Variants in STN1 observed in about 807,000 individuals in gnomAD.
STN1 encodes STN1 subunit of CST complex.
STN1 carries 29 observed loss-of-function variants against 45.5 expected under a neutral mutation model. That is an observed-to-expected ratio of 0.64 (90% CI 0.47 to 0.87). The LOEUF (loss-of-function observed/expected upper bound fraction) is 0.87, where lower values mean the gene tolerates loss of function less well. Among genes scored for constraint, STN1 ranks in the 40% least tolerant of loss-of-function variants. The probability of loss-of-function intolerance (pLI) is 0.00; values close to 1 mark genes in which losing one functional copy is unlikely to be tolerated. For missense variants in STN1, 376 were observed against 441.4 expected (o/e 0.85, Z 1.33); for synonymous variants, 148 against 159.0 (o/e 0.93, Z 0.52).
At position 103,910,200 on chromosome 10, in the gene STN1, G is replaced by A. The variant is rs561009212; in HGVS notation, c.229+327C>T. ...GATCCACATAACCACATATTACCAC[G>A]CTTTGCTATTTACAGATATACCCTT... On this transcript the variant is annotated intron_variant, in intron 3 of 9. Transcript: ENST00000224950. Among the ~76,000 whole-genome samples, 41 of 152,172 alleles carry A rather than the reference G, an allele frequency of 2.7e-4. 1 individual carries two copies. Among genetic ancestry groups the A allele is most frequent in the Middle Eastern group, 3.4e-3 (1 of 294 alleles).
intron 2 of STN1, among the ~76,000 whole-genome samples, chr10:103,915,738 T>C (rs954794369): frequency 6.6e-6 from 1 of 151,930 alleles, no homozygotes; most frequent in African/African-American, 2.4e-5. Flanking sequence ...CCCAGAACAC[T>C]ATGGTATAGT....
chr10:103,893,530 C>T (rs1401001918), intron 7 of STN1, among the ~76,000 whole-genome samples: 3 of 152,144 alleles, frequency 2.0e-5, no homozygotes, highest in African/African-American at 7.2e-5. Flanking sequence ...GAGTTCCAAA[C>T]AAATGTGGCA....
chr10:103,882,638 A>G lies in STN1; in HGVS notation c.*46T>C. 2.6e-6 allele frequency: 4 copies of G among 1,557,688 alleles called. No individual in the cohort carries two copies. The highest frequency in any genetic ancestry group is 3.5e-6 in the Non-Finnish European group (4 of 1,147,878). ...GCTGAAAGTCAGAGCCTGGGGGTGA[A>G]TGCCACCTTATCTTTGTCCTCCTCA... is the stretch of plus-strand genomic sequence containing the variant. On this transcript the variant is annotated 3_prime_UTR_variant, in exon 10 of 10. Coordinates refer to ENST00000224950, the MANE Select transcript of STN1 (RefSeq NM_024928.5).
intron 2 of STN1, among the ~76,000 whole-genome samples, chr10:103,914,361 TATATATATATA>T (rs1446105167): frequency 0.087 from 3,018 of 34,702 alleles, 213 homozygotes; most frequent in Non-Finnish European, 0.12. Flanking sequence ...TATATATATA[TATATATATATA>T]TATTTTTTTT....
rs1162659746 is a variant in STN1, at chr10:103,877,684, C to T, written c.*5000G>A. 3.3e-5 allele frequency: 5 copies of T among 152,202 alleles called. No homozygotes were observed. The highest frequency in any genetic ancestry group is 7.3e-5 in the Non-Finnish European group (5 of 68,040). The allele number at this position is 152,202 out of a possible 1,614,324, so 9.4% of individuals were successfully genotyped here. ...CATTCTGGATTACAATGAAAACTCACTTATGTGGGAGTTTGAGCTCACATT... is the reference window on the plus strand; with the variant it reads ...CATTCTGGATTACAATGAAAACTCATTTATGTGGGAGTTTGAGCTCACATT... On this transcript the variant is annotated 3_prime_UTR_variant, in exon 10 of 10. Coordinates refer to ENST00000224950, the MANE Select transcript of STN1 (RefSeq NM_024928.5).
chr10:103,889,107 T>TG lies in STN1; in HGVS notation c.913dup (p.His305ProfsTer52). On this transcript the variant is annotated frameshift_variant, in exon 9 of 10. Transcript: ENST00000224950. LOFTEE classifies it high-confidence loss of function. Reference sequence around the variant, plus strand: ...CTGGCAGTCCTGCTGAATGATCCGGTGGATCTTTCTGTGCAGGTCTTTGTC... The same window carrying TG: ...CTGGCAGTCCTGCTGAATGATCCGGTGGGATCTTTCTGTGCAGGTCTTTGTC... 6.2e-7 allele frequency: 1 copy of TG among 1,613,682 alleles called. No individual in the cohort carries two copies. Among genetic ancestry groups the TG allele is most frequent in the Admixed American group, 1.7e-5 (1 of 60,028 alleles).
In STN1 at chr10:103,917,632, G is replaced by C; in HGVS notation, c.-38C>G. ...CTGTGGCTTCCAGCTAACTCTGAAA[G>C]GTTCTGCATCACTGAGTCAAGCATC... On this transcript the variant is annotated 5_prime_UTR_variant, in exon 2 of 10. Coordinates refer to ENST00000224950, the MANE Select transcript of STN1 (RefSeq NM_024928.5). 1.2e-6 allele frequency: 2 copies of C among 1,605,230 alleles called. No individual in the cohort carries two copies. Among genetic ancestry groups the C allele is most frequent in the Non-Finnish European group, 1.7e-6 (2 of 1,175,980 alleles).
intron 9 of STN1, among the ~76,000 whole-genome samples, chr10:103,883,170 A>G (rs886089293): frequency 1.4e-4 from 22 of 152,156 alleles, no homozygotes; most frequent in African/African-American, 4.3e-4. Context: ...AATTACATGT[A>G]TAAGTGTAAC....
intron 2 of STN1, among the ~76,000 whole-genome samples, chr10:103,914,343 TATATA>T (rs1843310523): frequency 9.9e-5 from 1 of 10,098 alleles, no homozygotes; most frequent in Admixed American, 8.6e-4. Context: ...TACATATATA[TATATA>T]TATATATATA....
At chr10:103,910,647 G>T in intron 2 of STN1, 25 bp from the exon 3 acceptor site, 2 of 1,327,288 alleles carry the variant, frequency 1.5e-6, no homozygotes, top group Non-Finnish European at 2.2e-6. Flanking sequence ...AAGCAAAGTC[G>T]ACATAATGTA....
At chr10:103,914,740 C>T (rs1843318201) in intron 2 of STN1, among the ~76,000 whole-genome samples, 1 of 152,042 alleles carries the variant, frequency 6.6e-6, no homozygotes, top group Non-Finnish European at 1.5e-5. Context: ...AATCAAATTT[C>T]ACAGTATTTT....
intron 3 of STN1, among the ~76,000 whole-genome samples, chr10:103,906,249 TTAAGCAGAATCTTA>T (rs1157295724): frequency 1.3e-5 from 2 of 152,226 alleles, no homozygotes; most frequent in African/African-American, 4.8e-5. Context: ...TGAGACTTCT[TTAAGCAGAATCTTA>T]AAATCAGAAC....
intron 4 of STN1, among the ~76,000 whole-genome samples, chr10:103,903,171 TTATGTAC>T (rs1182192076): frequency 6.6e-6 from 1 of 152,218 alleles, no homozygotes; most frequent in Non-Finnish European, 1.5e-5. Flanking sequence ...GCCCATTTGC[TTATGTAC>T]TACCTATGGT....
Position 103,910,692 on chromosome 10 carries a change from G to T in STN1, c.134-70C>A, listed in dbSNP as rs1177175141. 7.1e-6 allele frequency: 6 copies of T among 842,622 alleles called. No individual in the cohort carries two copies. The East Asian group carries it at 1.0e-4, about 14-fold the overall frequency. 52.2% of individuals were successfully genotyped at this position (842,622 alleles called of 1,614,324 possible). The stretch of plus-strand genomic sequence containing the variant: ...TTTCTGCTTCAATAAATCTTAACTT[G>T]TAGGGGGGAAGGGAGTGTAAAAAAA... On this transcript the variant is annotated intron_variant, in intron 2 of 9. Coordinates refer to ENST00000224950, the MANE Select transcript of STN1 (RefSeq NM_024928.5).
intron 2 of STN1, among the ~76,000 whole-genome samples, chr10:103,916,097 C>T (rs1170985204): frequency 1.3e-5 from 2 of 152,188 alleles, no homozygotes; most frequent in African/African-American, 4.8e-5. Context: ...CTAAAAGTAT[C>T]CAATCTGTCA....
At chr10:103,899,029 C>G (rs1264954466) in intron 5 of STN1, 29 bp from the exon 6 acceptor site, 2 of 1,611,688 alleles carry the variant, frequency 1.2e-6, no homozygotes, top group Non-Finnish European at 1.7e-6. Context: ...AAAGATGCTA[C>G]AGAAATTACA....
chr10:103,899,106 G>T, intron 5 of STN1, 106 bp from the exon 6 acceptor site: 2 of 1,238,228 alleles, frequency 1.6e-6, no homozygotes, highest in South Asian at 2.8e-5. Flanking sequence ...ATGAGGTGCT[G>T]GGTGGGCCTC....
Position 103,900,055 on chromosome 10 carries a change from T to G in STN1, c.457+7A>C. 1 of 1,613,302 alleles carries G rather than the reference T, an allele frequency of 6.2e-7. No homozygotes were observed. ...CCACCAATTTGGTAGAAATATCTTGTGCTTACAGTAAGTGGTGGCATGAAT... is the reference window on the plus strand; with the variant it reads ...CCACCAATTTGGTAGAAATATCTTGGGCTTACAGTAAGTGGTGGCATGAAT... On this transcript the variant is annotated splice_region_variant and intron_variant, in intron 5 of 9. Coordinates refer to ENST00000224950, the MANE Select transcript of STN1 (RefSeq NM_024928.5).
At chr10:103,898,396 A>T (rs932944316) in intron 6 of STN1, 4 of 153,042 alleles carry the variant, frequency 2.6e-5, no homozygotes, top group African/African-American at 9.6e-5. Context: ...AAGTAAAATC[A>T]TCCCTGGTTG....
Sources: allele counts gnomAD v4.1 joint callset (sites outside exome capture counted in the v4.1 genomes callset), GRCh38; gene constraint gnomAD v4.1.1; transcripts MANE v1.5; gene names NCBI Gene and HGNC (gene_info 2026-07-23, HGNC 2026-07-21).